COL24A1: variants seen among roughly 807,000 people sequenced by gnomAD.
The protein encoded by COL24A1 is collagen type XXIV alpha 1 chain.
Under a neutral mutation model 253.9 loss-of-function variants are expected in COL24A1, and 224 were observed. The observed-to-expected ratio is 0.88, with a 90% CI of 0.79 to 0.99. COL24A1 has a LOEUF of 0.99. Ranked by LOEUF, COL24A1 falls within the 50% of genes least tolerant of loss-of-function variation. The pLI is 0.00. For missense variants in COL24A1, 2,131 were observed against 2,068.5 expected (o/e 1.03, Z -0.59); for synonymous variants, 685 against 673.7 (o/e 1.02, Z -0.26).
chr1:86,142,262 G>A (rs972468383), intron 2 of COL24A1, among the ~76,000 whole-genome samples: 2 of 151,786 alleles, frequency 1.3e-5, no homozygotes, highest in African/African-American at 2.4e-5. Context: ...TGTGGCTCAC[G>A]CCTGTAATCC....
intron 53 of COL24A1, among the ~76,000 whole-genome samples, chr1:85,764,629 A>C (rs1029529503): frequency 2.0e-5 from 3 of 152,104 alleles, no homozygotes; most frequent in African/African-American, 7.2e-5. Context: ...TTAATTTGCT[A>C]TATGGTCTTA....
intron 32 of COL24A1, among the ~76,000 whole-genome samples, chr1:85,879,592 C>A (rs1681591410): frequency 6.6e-6 from 1 of 152,138 alleles, no homozygotes; most frequent in Admixed American, 6.5e-5. Context: ...CCACTTATAG[C>A]CTACTGTTGA....
chr1:86,116,820 A>G (rs949952622), intron 3 of COL24A1, among the ~76,000 whole-genome samples: 13 of 152,118 alleles, frequency 8.5e-5, no homozygotes, highest in African/African-American at 3.1e-4. Flanking sequence ...ATTTCCTAAT[A>G]TTGAGAGAGA....
intron 24 of COL24A1, among the ~76,000 whole-genome samples, chr1:85,917,327 T>C (rs1269487259): frequency 6.6e-6 from 1 of 152,176 alleles, no homozygotes; most frequent in Admixed American, 6.5e-5. Flanking sequence ...TAGTGGCTCA[T>C]TATTTTTTTA....
At chr1:86,027,487 G>A (rs569019032) in intron 14 of COL24A1, among the ~76,000 whole-genome samples, 114 of 152,302 alleles carry the variant, frequency 7.5e-4, no homozygotes, top group African/African-American at 1.8e-3. Context: ...AGCTCAGGCC[G>A]GTGCTTCAGA....
chr1:85,977,160 TAGA>T (rs1404276471), intron 20 of COL24A1, among the ~76,000 whole-genome samples: 3 of 152,148 alleles, frequency 2.0e-5, no homozygotes, highest in Non-Finnish European at 4.4e-5. Flanking sequence ...GCCCCATTCC[TAGA>T]AGAAGGGGGA....
At chr1:85,742,156 C>A (rs1664719248) in intron 57 of COL24A1, among the ~76,000 whole-genome samples, 1 of 135,436 alleles carries the variant, frequency 7.4e-6, no homozygotes, top group African/African-American at 2.7e-5. Context: ...TCTTTTGAGA[C>A]AGAGTCTCAC....
intron 24 of COL24A1, among the ~76,000 whole-genome samples, chr1:85,943,270 C>G (rs1688928141): frequency 6.6e-6 from 1 of 152,216 alleles, no homozygotes; most frequent in East Asian, 1.9e-4. Flanking sequence ...GGCCTTTGTA[C>G]TTGGACAGAG....
At chr1:85,747,657 T>A (rs1665395306) in intron 55 of COL24A1, among the ~76,000 whole-genome samples, 1 of 152,118 alleles carries the variant, frequency 6.6e-6, no homozygotes, top group Admixed American at 6.5e-5. Context: ...TGTATTCAAT[T>A]AGTTGTGAAG....
At chr1:85,857,918 T>C (rs762009398) in intron 37 of COL24A1, among the ~76,000 whole-genome samples, 14 of 152,130 alleles carry the variant, frequency 9.2e-5, no homozygotes, top group African/African-American at 2.4e-5. Context: ...AAGTACAAAT[T>C]TGTTGCTCTG....
intron 24 of COL24A1, among the ~76,000 whole-genome samples, chr1:85,944,896 A>T (rs1209015954): frequency 7.5e-5 from 11 of 146,216 alleles, no homozygotes; most frequent in Non-Finnish European, 1.3e-4. Flanking sequence ...ATGATTTCCA[A>T]TTTCATCCAT....
At chr1:86,077,045 G>T (rs112240885) in intron 7 of COL24A1, among the ~76,000 whole-genome samples, 22,358 of 152,186 alleles carry the variant, frequency 0.15, 1,774 homozygotes, top group Middle Eastern at 0.21. Context: ...TATCATCAGA[G>T]TGAACAGGCA....
chr1:85,851,624 TA>T (rs1161921355), intron 37 of COL24A1, among the ~76,000 whole-genome samples: 1 of 152,160 alleles, frequency 6.6e-6, no homozygotes, highest in East Asian at 1.9e-4. Context: ...GTATGAGACT[TA>T]AAATGGGTGC....
chr1:85,938,188 A>G (rs1014206387), intron 24 of COL24A1, among the ~76,000 whole-genome samples: 1 of 147,334 alleles, frequency 6.8e-6, no homozygotes, highest in Non-Finnish European at 1.5e-5. Flanking sequence ...AATAGGAAAT[A>G]TGGATGGGTC....
chr1:85,831,983 A>C (rs1227030190), intron 43 of COL24A1, among the ~76,000 whole-genome samples: 2 of 152,092 alleles, frequency 1.3e-5, no homozygotes, highest in Non-Finnish European at 2.9e-5. Context: ...TTGGTGTTTT[A>C]GACATGAAGT....
intron 47 of COL24A1, among the ~76,000 whole-genome samples, chr1:85,802,589 A>G (rs949264060): frequency 6.6e-6 from 1 of 152,224 alleles, no homozygotes; most frequent in Non-Finnish European, 1.5e-5. Context: ...TTCACTGAGT[A>G]TAATTGACAC....
intron 31 of COL24A1, among the ~76,000 whole-genome samples, chr1:85,893,386 TAGAA>T (rs1347995434): frequency 1.3e-5 from 2 of 151,922 alleles, no homozygotes; most frequent in Non-Finnish European, 2.9e-5. Context: ...AAAGAAAAAT[TAGAA>T]AGAATTAAAG....
intron 43 of COL24A1, among the ~76,000 whole-genome samples, chr1:85,834,954 T>C (rs1042071841): frequency 2.6e-5 from 4 of 152,186 alleles, no homozygotes; most frequent in African/African-American, 9.7e-5. Context: ...AAATTCACTA[T>C]GTTTATTTTT....
intron 19 of COL24A1, among the ~76,000 whole-genome samples, chr1:86,005,761 C>T (rs760669283): frequency 6.6e-6 from 1 of 151,728 alleles, no homozygotes; most frequent in African/African-American, 2.4e-5. Flanking sequence ...AGATTGAGAA[C>T]AAAAATATAA....
Sources: allele counts gnomAD v4.1 joint callset (sites outside exome capture counted in the v4.1 genomes callset), GRCh38; gene constraint gnomAD v4.1.1; transcripts MANE v1.5; gene names NCBI Gene and HGNC (gene_info 2026-07-23, HGNC 2026-07-21).